MOB3B: variants seen among roughly 807,000 people sequenced by gnomAD.
MOB3B encodes the protein MOB kinase activator-like 2B.
Under a neutral mutation model 18.7 loss-of-function variants are expected in MOB3B, and 7 were observed. The observed-to-expected ratio is 0.37, with a 90% confidence interval of 0.21 to 0.70. MOB3B has a LOEUF of 0.70. MOB3B is among the 30% of genes least tolerant of loss of function. The pLI is 0.52. For missense variants in MOB3B, 253 were observed against 281.3 expected (o/e 0.90, Z 0.72); for synonymous variants, 111 against 99.9 (o/e 1.11, Z -0.66).
At chr9:27,491,441 C>G (rs1819817666) in intron 1 of MOB3B, among the ~76,000 whole-genome samples, 1 of 151,978 alleles carries the variant, frequency 6.6e-6, no homozygotes, top group Admixed American at 6.6e-5. Flanking sequence ...TTTTGGGGCC[C>G]ATGTTGAATT....
At chr9:27,375,960 A>G (rs1821484663) in intron 2 of MOB3B, among the ~76,000 whole-genome samples, 1 of 152,224 alleles carries the variant, frequency 6.6e-6, no homozygotes, top group Non-Finnish European at 1.5e-5. Flanking sequence ...TAAAAGTAAT[A>G]TTGTTTAAAA....
At chr9:27,515,973 G>T (rs1352089718) in intron 1 of MOB3B, among the ~76,000 whole-genome samples, 1 of 152,230 alleles carries the variant, frequency 6.6e-6, no homozygotes, top group Non-Finnish European at 1.5e-5. Flanking sequence ...GTAACAAGTA[G>T]TGTGCTGATA....
At chr9:27,426,781 C>G (rs1822340620) in intron 2 of MOB3B, among the ~76,000 whole-genome samples, 1 of 152,232 alleles carries the variant, frequency 6.6e-6, no homozygotes, top group Non-Finnish European at 1.5e-5. Context: ...TTTTCTGCAG[C>G]CTCCTACTGC....
chr9:27,514,792 C>A (rs1384750424), intron 1 of MOB3B, among the ~76,000 whole-genome samples: 2 of 151,928 alleles, frequency 1.3e-5, no homozygotes, highest in African/African-American at 4.8e-5. Flanking sequence ...ACCTCTGCAG[C>A]ATGTCTGCCA....
chr9:27,487,395 C>T (rs994165527), intron 1 of MOB3B, among the ~76,000 whole-genome samples: 29 of 151,940 alleles, frequency 1.9e-4, no homozygotes, highest in African/African-American at 6.5e-4. Context: ...TGGAATCAGC[C>T]GTCTCTGGAG....
chr9:27,455,686 T>A lies in MOB3B; in HGVS notation c.-136A>T. ...GTCTTACAGCCTGTAGCTTTTAAGC[T>A]CTTCTAAACAGCCCCTTCCATCTTC... On this transcript the variant is annotated 5_prime_UTR_variant, in exon 2 of 4. Transcript: ENST00000262244. 6.6e-7 allele frequency: 1 copy of A among 1,508,552 alleles called. No individual in the cohort carries two copies. The highest frequency in any genetic ancestry group is 8.8e-7 in the Non-Finnish European group (1 of 1,140,612). The allele number at this position is 1,508,552 out of a possible 1,614,324, so 93.4% of individuals were successfully genotyped here. A position where few individuals can be genotyped will look rare whatever the true frequency, so the allele number is the denominator to read the frequency against.
At chr9:27,412,810 A>G (rs895650692) in intron 2 of MOB3B, among the ~76,000 whole-genome samples, 2 of 152,228 alleles carry the variant, frequency 1.3e-5, no homozygotes, top group Admixed American at 6.5e-5. Context: ...CTAAGTCAAT[A>G]GCCTATTGCT....
At chr9:27,414,821 C>A (rs1247333453) in intron 2 of MOB3B, among the ~76,000 whole-genome samples, 4 of 152,224 alleles carry the variant, frequency 2.6e-5, no homozygotes, top group African/African-American at 9.6e-5. Flanking sequence ...AGAAAGAAAT[C>A]CCGTGAGACA....
At chr9:27,371,265 T>C (rs1368504390) in intron 2 of MOB3B, among the ~76,000 whole-genome samples, 2 of 152,110 alleles carry the variant, frequency 1.3e-5, no homozygotes, top group Non-Finnish European at 2.9e-5. Flanking sequence ...GAAAGAACAA[T>C]TGGAACCCAA....
chr9:27,469,575 C>A (rs12552327), intron 1 of MOB3B, among the ~76,000 whole-genome samples: 39,910 of 152,072 alleles, frequency 0.26, 5,922 homozygotes, highest in Middle Eastern at 0.37. Flanking sequence ...AACTTCTGAA[C>A]ATCAGTTAAT....
At chr9:27,484,408 A>T (rs1392222967) in intron 1 of MOB3B, among the ~76,000 whole-genome samples, 1 of 152,086 alleles carries the variant, frequency 6.6e-6, no homozygotes, top group East Asian at 1.9e-4. Flanking sequence ...AAAACAAAAA[A>T]CTCAGGCGGG....
chr9:27,371,515 A>T (rs1821414409), intron 2 of MOB3B, among the ~76,000 whole-genome samples: 1 of 152,262 alleles, frequency 6.6e-6, no homozygotes, highest in South Asian at 2.1e-4. Context: ...GGGATAGGGA[A>T]GAAACCAGAA....
At chr9:27,399,230 T>G (rs946825316) in intron 2 of MOB3B, among the ~76,000 whole-genome samples, 13 of 152,152 alleles carry the variant, frequency 8.5e-5, no homozygotes, top group Middle Eastern at 3.2e-3. Context: ...AAGAGGCAGG[T>G]GCCTTATCCC....
At position 27,474,939 on chromosome 9, in the gene MOB3B, T is replaced by C. The variant is rs975559350; in HGVS notation, c.-198-19191A>G. 3.9e-5 allele frequency among the ~76,000 whole-genome samples: 6 copies of C among 152,338 alleles called. No homozygotes were observed. In the South Asian group the frequency reaches 8.3e-4, roughly 21 times the overall value. On this transcript the variant is annotated intron_variant, in intron 1 of 3. Coordinates refer to ENST00000262244, the MANE Select transcript of MOB3B (RefSeq NM_024761.5). ...AGTGATCTCTGTCTCCTGGCATCCA[T>C]GCTTTTGTATAATGCTCTGATTGAG...
chr9:27,393,946 A>G (rs1821764724), intron 2 of MOB3B, among the ~76,000 whole-genome samples: 1 of 152,196 alleles, frequency 6.6e-6, no homozygotes, highest in African/African-American at 2.4e-5. Context: ...ATGAGTGTTC[A>G]GGGAGGGTTG....
intron 2 of MOB3B, among the ~76,000 whole-genome samples, chr9:27,367,288 T>C (rs1821354722): frequency 6.6e-6 from 1 of 152,228 alleles, no homozygotes; most frequent in Non-Finnish European, 1.5e-5. Flanking sequence ...CTATGCTCCT[T>C]CTATTCTGCC....
intron 2 of MOB3B, among the ~76,000 whole-genome samples, chr9:27,445,700 A>G (rs1318232913): frequency 6.6e-6 from 1 of 152,132 alleles, no homozygotes; most frequent in African/African-American, 2.4e-5. Context: ...GGCTGGGTCA[A>G]GCAATCAAGG....
intron 2 of MOB3B, among the ~76,000 whole-genome samples, chr9:27,450,211 A>G (rs535035215): frequency 5.5e-4 from 83 of 152,240 alleles, no homozygotes; most frequent in African/African-American, 1.9e-3. Context: ...CAGACTACTT[A>G]CTTTAGAAAT....
rs559130889 is a variant in MOB3B at position 27,419,142 on chromosome 9, G to A, written c.418+35991C>T. On this transcript the variant is annotated intron_variant, in intron 2 of 3. Coordinates refer to ENST00000262244, the MANE Select transcript of MOB3B (RefSeq NM_024761.5). ...ACAAGGAAAACTACAAAACCCTGCT[G>A]AAAGAAATCATAGATGACACAAACA... 4.6e-5 allele frequency among the ~76,000 whole-genome samples: 7 copies of A among 150,742 alleles called. No individual in the cohort carries two copies. The East Asian group carries it at 1.2e-3, about 25-fold the overall frequency.
Sources: gnomAD v4.1 joint callset for allele counts (sites outside exome capture counted in the v4.1 genomes callset) on GRCh38, gnomAD v4.1.1 for gene constraint, MANE v1.5 for transcripts, NCBI Gene and HGNC (gene_info 2026-07-23, HGNC 2026-07-21) for gene names.